Variants in PRR27 observed in about 807,000 individuals in gnomAD.
PRR27 encodes the protein proline-rich protein 27.
A neutral mutation model predicts 16.8 loss-of-function variants in PRR27; 12 were observed. The observed-to-expected ratio is 0.71, with a 90% CI of 0.46 to 1.16. PRR27 has a LOEUF of 1.16. Among genes scored for constraint, PRR27 ranks in the 50% most tolerant of loss-of-function variants. The probability of loss-of-function intolerance (pLI) is 0.00; values close to 1 mark genes in which losing one functional copy is unlikely to be tolerated. For missense variants in PRR27, 277 were observed against 273.3 expected, an observed-to-expected ratio of 1.01 and a Z score of -0.10; for synonymous variants, 100 against 98.4, an observed-to-expected ratio of 1.02 and a Z score of -0.10.
intron 1 of PRR27, among the ~76,000 whole-genome samples, chr4:70,155,773 CTGAA>C (rs1185882444): frequency 1.3e-5 from 2 of 151,926 alleles, no homozygotes; most frequent in African/African-American, 2.4e-5. Context: ...TGAATGAGAG[CTGAA>C]TGATCTTTCA....
chr4:70,161,179 T>TATATATATATATATACAC, intron 3 of PRR27, among the ~76,000 whole-genome samples: 1 of 107,702 alleles, frequency 9.3e-6, no homozygotes, highest in South Asian at 2.9e-4. Context: ...TATATATATA[T>TATATATATATATATACAC]ACACACATAC....
chr4:70,158,957 G>GAA, intron 3 of PRR27, 57 bp downstream of exon 3: 40 of 835,514 alleles, frequency 4.8e-5, no homozygotes, highest in Non-Finnish European at 6.0e-5. Flanking sequence ...TGTAGAAGGG[G>GAA]AAAAAAAAAA....
chr4:70,162,875 A>G lies in PRR27; in HGVS notation c.*214A>G, dbSNP rs1332248830. 6.6e-6 allele frequency: 1 copy of G among 152,192 alleles called. No homozygotes were observed. The highest frequency in any genetic ancestry group is 1.5e-5 in the Non-Finnish European group (1 of 68,036). 9.4% of individuals were successfully genotyped at this position (152,192 alleles called of 1,614,324 possible). ...TAAATAAATAAAATAGATAATTTAG[A>G]CCAATGGTGATAAGGTCTGGATGAA... On this transcript the variant is annotated 3_prime_UTR_variant, in exon 5 of 5. Coordinates refer to ENST00000344526, the MANE Select transcript of PRR27 (RefSeq NM_214711.4).
intron 3 of PRR27, 25 bp from the exon 4 acceptor site, chr4:70,161,561 A>G (rs1013194320): frequency 1.4e-6 from 2 of 1,450,142 alleles, no homozygotes; most frequent in Non-Finnish European, 1.9e-6. Context: ...GTTTATGAAA[A>G]GATCTTTTTT....
In PRR27 at chr4:70,154,257, T is replaced by TA. The variant is rs1728425945; in HGVS notation, c.-113dup. ...CTGTTAAGGGTCTTCCTAGACAGAC[T>TA]AAAAAAGCCATGTATTCTTTCGTTT... On this transcript the variant is annotated 5_prime_UTR_variant, in exon 1 of 5. Transcript: ENST00000344526. 3.6e-6 allele frequency: 3 copies of TA among 832,034 alleles called. No individual in the cohort carries two copies. In the East Asian group the frequency reaches 8.0e-5, roughly 22 times the overall value. The allele number at this position is 832,034 out of a possible 1,614,324, so 51.5% of individuals were successfully genotyped here. A position where few individuals can be genotyped will look rare whatever the true frequency, so the allele number is the denominator to read the frequency against.
chr4:70,166,369 T>C lies in PRR27; in HGVS notation c.*3708T>C, dbSNP rs1013096309. ...ATGCATATATGTGTGTATGTATATATGTGTGCATGTGCATGCATAGTAAAA... is the reference window on the plus strand; with the variant it reads ...ATGCATATATGTGTGTATGTATATACGTGTGCATGTGCATGCATAGTAAAA... On this transcript the variant is annotated 3_prime_UTR_variant, in exon 5 of 5. Transcript: ENST00000344526. 4 of 152,046 alleles carry C rather than the reference T, an allele frequency of 2.6e-5. No individual in the cohort carries two copies. The highest frequency in any genetic ancestry group is 9.7e-5 in the African/African-American group (4 of 41,440). 9.4% of individuals were successfully genotyped at this position (152,046 alleles called of 1,614,324 possible). A position where few individuals can be genotyped will look rare whatever the true frequency, so the allele number is the denominator to read the frequency against.
In PRR27 at chr4:70,164,754, G is replaced by A. The variant is rs1193934972; in HGVS notation, c.*2093G>A. ...AACAACAGAAAGATGAAGATGAACC[G>A]AAATAGAAATATCAAGAGGCTACAA... On this transcript the variant is annotated 3_prime_UTR_variant, in exon 5 of 5. Transcript: ENST00000344526. 1 of 151,956 alleles carries A rather than the reference G, an allele frequency of 6.6e-6. No individual in the cohort carries two copies. Among genetic ancestry groups the A allele is most frequent in the East Asian group, 1.9e-4 (1 of 5,194 alleles). 9.4% of individuals were successfully genotyped at this position (151,956 alleles called of 1,614,324 possible).
At position 70,161,630 on chromosome 4, in the gene PRR27, T is replaced by C. The variant is rs1175758992; in HGVS notation, c.*33T>C. 2.1e-6 allele frequency: 3 copies of C among 1,418,584 alleles called. No homozygotes were observed. Among genetic ancestry groups the C allele is most frequent in the Non-Finnish European group, 2.9e-6 (3 of 1,022,092 alleles). 87.9% of individuals were successfully genotyped at this position (1,418,584 alleles called of 1,614,324 possible). On this transcript the variant is annotated splice_region_variant and 3_prime_UTR_variant, in exon 4 of 5. Transcript: ENST00000344526. ...TAGAAGAGTACCATGGGTTCATTTC[T>C]GTAAGTCATATGTGATAATATAATT...
chr4:70,157,966 C>G (rs1415057637), intron 2 of PRR27, among the ~76,000 whole-genome samples: 1 of 152,106 alleles, frequency 6.6e-6, no homozygotes, highest in African/African-American at 2.4e-5. Context: ...GTGGGAAAGA[C>G]AATGGAGGGT....
At position 70,165,597 on chromosome 4, in the gene PRR27, G is replaced by GA; in HGVS notation, c.*2941dup. 1 of 152,098 alleles carries GA rather than the reference G, an allele frequency of 6.6e-6. No homozygotes were observed. Among genetic ancestry groups the GA allele is most frequent in the African/African-American group, 2.4e-5 (1 of 41,522 alleles). The allele number at this position is 152,098 out of a possible 1,614,324, so 9.4% of individuals were successfully genotyped here. On this transcript the variant is annotated 3_prime_UTR_variant, in exon 5 of 5. Transcript: ENST00000344526. ...TTTGCCTATTTTTGAGCTTTTTATAGAAAAATGCTACTGCGAAATTATTTT... is the reference window on the plus strand; with the variant it reads ...TTTGCCTATTTTTGAGCTTTTTATAGAAAAAATGCTACTGCGAAATTATTTT...
At position 70,158,527 on chromosome 4, in the gene PRR27, G is replaced by A. The variant is rs749862933; in HGVS notation, c.275G>A (p.Gly92Asp). Residue 92 changes from glycine to aspartate, a missense_variant, in exon 3 of 5, where the codon GGT becomes GAT. Physicochemically the swap from Gly to Asp is moderately conservative, Grantham distance 94. Transcript: ENST00000344526. ...PGFPYVYHIR[G>D]FPLATQLNVP... ...TTCCCCTATGTCTATCACATCCGTGGTTTTCCCTTAGCTACTCAGTTGAAT... is the reference window on the plus strand; with the variant it reads ...TTCCCCTATGTCTATCACATCCGTGATTTTCCCTTAGCTACTCAGTTGAAT... 4 of 1,613,956 alleles carry A rather than the reference G, an allele frequency of 2.5e-6. No homozygotes were observed. The highest frequency in any genetic ancestry group is 3.4e-6 in the Non-Finnish European group (4 of 1,180,004).
intron 2 of PRR27, among the ~76,000 whole-genome samples, chr4:70,156,513 A>G (rs970872086): frequency 5.3e-5 from 8 of 152,224 alleles, no homozygotes; most frequent in Non-Finnish European, 1.2e-4. Flanking sequence ...TCTTCAAGCT[A>G]GGAACCACTA....
intron 3 of PRR27, among the ~76,000 whole-genome samples, chr4:70,160,443 C>CTGTGTGTGTGTGTGTGTGTGTG (rs71210150): frequency 6.3e-4 from 43 of 68,700 alleles, no homozygotes; most frequent in African/African-American, 1.9e-3. Flanking sequence ...CTCTCTCTCT[C>CTGTGTGTGTGTGTGTGTGTGTG]TGTGTGTGTG....
chr4:70,158,364 C>G lies in PRR27; in HGVS notation c.112C>G (p.Leu38Val), dbSNP rs763532150. The G allele has an allele frequency of 4.3e-6, 7 of 1,609,572 alleles. No homozygotes were observed. The East Asian group carries it at 1.3e-4, about 31-fold the overall frequency. Residue 38 changes from leucine (L) to valine (V), a missense_variant, in exon 3 of 5, where the codon CTG becomes GTG. Leu to Val is a conservative substitution (Grantham distance 32, BLOSUM62 1). Coordinates refer to ENST00000344526, the MANE Select transcript of PRR27 (RefSeq NM_214711.4). The part of the protein sequence containing the change: ...NDDGHPLHPS[L>V]NIPYGIRNLP... The stretch of plus-strand genomic sequence containing the variant: ...CGATGGTCACCCACTTCATCCATCT[C>G]TGAATATTCCTTATGGCATACGGAA...
chr4:70,160,907 T>C (rs1016764717), intron 3 of PRR27, among the ~76,000 whole-genome samples: 2 of 151,890 alleles, frequency 1.3e-5, no homozygotes, highest in South Asian at 2.1e-4. Flanking sequence ...AATCCACCAA[T>C]GAATTATTTA....
intron 2 of PRR27, among the ~76,000 whole-genome samples, chr4:70,156,866 T>A (rs1728493865): frequency 9.6e-6 from 1 of 104,192 alleles, no homozygotes; most frequent in Non-Finnish European, 2.3e-5. Flanking sequence ...TTAGGTATTA[T>A]TTTGAATTTT....
chr4:70,157,632 C>T (rs980840587), intron 2 of PRR27, among the ~76,000 whole-genome samples: 1 of 152,042 alleles, frequency 6.6e-6, no homozygotes, highest in Middle Eastern at 3.2e-3. Flanking sequence ...AATTCTCCTG[C>T]TTCTGCCTCC....
chr4:70,154,728 T>A (rs2109788977), intron 1 of PRR27: 1 of 1,362,814 alleles, frequency 7.3e-7, no homozygotes, highest in Non-Finnish European at 9.7e-7. Flanking sequence ...TAACAGAGTT[T>A]ATCTCTTCAA....
intron 2 of PRR27, 96 bp from the exon 3 acceptor site, chr4:70,158,232 A>G (rs1372856772): frequency 2.5e-6 from 2 of 796,082 alleles, no homozygotes; most frequent in Non-Finnish European, 4.0e-6. Flanking sequence ...TTCTTTCAAA[A>G]TATCATTACT....
Sources: allele counts gnomAD v4.1 joint callset (sites outside exome capture counted in the v4.1 genomes callset), GRCh38; gene constraint gnomAD v4.1.1; transcripts MANE v1.5; gene names NCBI Gene and HGNC (gene_info 2026-07-23, HGNC 2026-07-21).